Variants in UBAP1 observed in about 807,000 individuals in gnomAD.
The protein encoded by UBAP1 is ubiquitin-associated protein 1.
In UBAP1, 5 loss-of-function variants were observed where a neutral mutation model predicts 39.0. The observed-to-expected ratio is 0.13, with a 90% CI of 0.07 to 0.27. The LOEUF (loss-of-function observed/expected upper bound fraction) is 0.27. Among genes scored for constraint, UBAP1 ranks in the 10% least tolerant of loss-of-function variants. The pLI, the probability that UBAP1 is intolerant of heterozygous loss-of-function variation, is 1.00. For synonymous variants in UBAP1, 211 were observed against 225.1 expected (o/e 0.94, Z 0.56); for missense variants, 490 against 608.1 (o/e 0.81, Z 2.04).
intron 1 of UBAP1, chr9:34,191,550 C>A: frequency 6.3e-6 from 1 of 158,970 alleles, no homozygotes; most frequent in East Asian, 1.6e-4. Context: ...TTCTAAAAGG[C>A]AAATATGTCT....
At position 34,188,413 on chromosome 9, in the gene UBAP1, T is replaced by TA. The variant is rs1268260501; in HGVS notation, c.-8+9174dup. ...AGTAAAGCAATTTGAATGCTAAACT[T>TA]AGTCTTCAGCTTTTTTTTTTTTTTT... On this transcript the variant is annotated intron_variant, in intron 1 of 6. Coordinates refer to ENST00000297661, the MANE Select transcript of UBAP1 (RefSeq NM_016525.5). 2.1e-5 allele frequency among the ~76,000 whole-genome samples: 3 copies of TA among 140,382 alleles called. No homozygotes were observed. The Admixed American group carries it at 2.4e-4, about 11-fold the overall frequency. The allele number at this position is 140,382 out of a possible 152,430, so 92.1% of individuals were successfully genotyped here. A position where few individuals can be genotyped will look rare whatever the true frequency, so the allele number is the denominator to read the frequency against.
intron 1 of UBAP1, among the ~76,000 whole-genome samples, chr9:34,182,717 TTCTC>T (rs1219079630): frequency 6.8e-6 from 1 of 147,502 alleles, no homozygotes; most frequent in Non-Finnish European, 1.5e-5. Context: ...TTCTCTCTCT[TTCTC>T]TCTCTCCTTT....
chr9:34,224,326 A>G, intron 2 of UBAP1: 1 of 446,634 alleles, frequency 2.2e-6, no homozygotes, highest in Non-Finnish European at 4.2e-6. Context: ...GTCAATGAGC[A>G]TGAAGCAATT....
At chr9:34,191,849 A>G (rs909221085) in intron 1 of UBAP1, 8 of 152,384 alleles carry the variant, frequency 5.2e-5, no homozygotes, top group African/African-American at 1.9e-4. Context: ...TGGACACAGA[A>G]TTCACGTGAT....
At chr9:34,194,794 T>C (rs1285552606) in intron 1 of UBAP1, among the ~76,000 whole-genome samples, 1 of 152,182 alleles carries the variant, frequency 6.6e-6, no homozygotes, top group African/African-American at 2.4e-5. Context: ...TACTATTATC[T>C]CTATTTTATT....
chr9:34,203,921 C>T (rs1190267279), intron 1 of UBAP1, among the ~76,000 whole-genome samples: 1 of 152,184 alleles, frequency 6.6e-6, no homozygotes, highest in Non-Finnish European at 1.5e-5. Context: ...CAGAATGATA[C>T]AATCCACTGA....
intron 1 of UBAP1, among the ~76,000 whole-genome samples, chr9:34,180,501 C>G (rs969704293): frequency 2.0e-5 from 3 of 149,092 alleles, no homozygotes; most frequent in African/African-American, 7.5e-5. Flanking sequence ...GAGCGAGACT[C>G]CGACTCAAAA....
At chr9:34,187,174 C>T (rs1403772624) in intron 1 of UBAP1, among the ~76,000 whole-genome samples, 6 of 152,358 alleles carry the variant, frequency 3.9e-5, no homozygotes, top group African/African-American at 1.2e-4. Context: ...TCCCAAAGTG[C>T]TGGGATTACA....
At chr9:34,228,736 A>ATTTTTTTT (rs55715947) in intron 2 of UBAP1, among the ~76,000 whole-genome samples, 1 of 140,892 alleles carries the variant, frequency 7.1e-6, no homozygotes. Context: ...TGCCTAGCTA[A>ATTTTTTTT]TTTTTTTTTT....
At chr9:34,227,224 A>T (rs561625399) in intron 2 of UBAP1, among the ~76,000 whole-genome samples, 133 of 152,312 alleles carry the variant, frequency 8.7e-4, no homozygotes, top group African/African-American at 3.0e-3. Context: ...CTTACAACAG[A>T]TATCTATGTT....
At chr9:34,198,935 A>G (rs568663969) in intron 1 of UBAP1, among the ~76,000 whole-genome samples, 15 of 152,318 alleles carry the variant, frequency 9.8e-5, no homozygotes, top group Non-Finnish European at 1.5e-4. Context: ...TTTGTGCTCC[A>G]AGGGAGTGCT....
At chr9:34,195,439 G>T (rs556645833) in intron 1 of UBAP1, among the ~76,000 whole-genome samples, 88 of 151,648 alleles carry the variant, frequency 5.8e-4, no homozygotes, top group Non-Finnish European at 1.0e-3. Context: ...AAAATATTTT[G>T]TCCATGTCTA....
chr9:34,181,395 C>T (rs1329787637), intron 1 of UBAP1, among the ~76,000 whole-genome samples: 2 of 151,380 alleles, frequency 1.3e-5, no homozygotes, highest in East Asian at 3.9e-4. Flanking sequence ...GGATTACAGG[C>T]GTGAGCCACC....
chr9:34,243,801 G>A (rs1834082855), intron 4 of UBAP1, among the ~76,000 whole-genome samples: 1 of 149,858 alleles, frequency 6.7e-6, no homozygotes, highest in East Asian at 2.0e-4. Flanking sequence ...ATTAAATATT[G>A]ACTATAATCA....
At chr9:34,224,043 G>T in intron 2 of UBAP1, 1 of 548,856 alleles carries the variant, frequency 1.8e-6, no homozygotes, top group Non-Finnish European at 3.3e-6. Context: ...TTCCCCTCTA[G>T]CACATAGCCG....
intron 3 of UBAP1, among the ~76,000 whole-genome samples, chr9:34,239,327 C>G (rs893998497): frequency 6.6e-6 from 1 of 152,210 alleles, no homozygotes; most frequent in Non-Finnish European, 1.5e-5. Context: ...GCCTGTCTGG[C>G]CTACAAAGCA....
At chr9:34,201,919 CAG>C (rs1336020595) in intron 1 of UBAP1, among the ~76,000 whole-genome samples, 3 of 152,128 alleles carry the variant, frequency 2.0e-5, no homozygotes, top group Non-Finnish European at 2.9e-5. Flanking sequence ...TCACAGAACT[CAG>C]AGAAACTCTT....
At position 34,182,760 on chromosome 9, in the gene UBAP1, G is replaced by GGT. The variant is rs1374817405; in HGVS notation, c.-8+3521_-8+3522insTG. The stretch of plus-strand genomic sequence containing the variant: ...TCTTTTCACTCAGTCGCCCAGGCTG[G>GGT]GGTACAGTGGCTCGATCTCTGCTCA... On this transcript the variant is annotated intron_variant, in intron 1 of 6. Transcript: ENST00000297661. 3.3e-5 allele frequency among the ~76,000 whole-genome samples: 5 copies of GGT among 149,504 alleles called. No homozygotes were observed. The East Asian group carries it at 6.0e-4, about 18-fold the overall frequency.
At chr9:34,237,916 A>C (rs1833783160) in intron 3 of UBAP1, among the ~76,000 whole-genome samples, 1 of 152,282 alleles carries the variant, frequency 6.6e-6, no homozygotes, top group Non-Finnish European at 1.5e-5. Context: ...TTTTTAATAT[A>C]TTCACATAGT....
Sources: allele counts gnomAD v4.1 joint callset (sites outside exome capture counted in the v4.1 genomes callset), GRCh38; gene constraint gnomAD v4.1.1; transcripts MANE v1.5; gene names NCBI Gene and HGNC (gene_info 2026-07-23, HGNC 2026-07-21).